PDE11A: variants seen among roughly 807,000 people sequenced by gnomAD.
The protein encoded by PDE11A is phosphodiesterase 11A.
In PDE11A, 100 loss-of-function variants were observed where a neutral mutation model predicts 100.5. The ratio of observed to expected loss-of-function variants is 1.00; its 90% CI spans 0.85 to 1.18. PDE11A has a LOEUF of 1.18. Ranked by LOEUF, PDE11A falls within the 50% of genes most tolerant of loss-of-function variation. The pLI, the probability that PDE11A is intolerant of heterozygous loss-of-function variation, is 0.00. For synonymous variants in PDE11A, 381 were observed against 420.8 expected (o/e 0.91, Z 1.16); for missense variants, 1,141 against 1,152.6 (o/e 0.99, Z 0.15).
At chr2:177,862,591 A>G (rs937778242) in intron 5 of PDE11A, among the ~76,000 whole-genome samples, 2 of 151,852 alleles carry the variant, frequency 1.3e-5, no homozygotes, top group Non-Finnish European at 3.0e-5. Flanking sequence ...CCCATTTACT[A>G]TAGCATAAAA....
intron 9 of PDE11A, among the ~76,000 whole-genome samples, chr2:177,770,458 G>T (rs2082296402): frequency 6.6e-6 from 1 of 152,220 alleles, no homozygotes; most frequent in Non-Finnish European, 1.5e-5. Context: ...CAATTCGCAG[G>T]CTCCCTGCAG....
intron 1 of PDE11A, among the ~76,000 whole-genome samples, chr2:178,029,211 A>G (rs1364282921): frequency 2.6e-5 from 4 of 152,236 alleles, no homozygotes. Flanking sequence ...TGAAAAGTTT[A>G]TGAAAATTCA....
intron 5 of PDE11A, among the ~76,000 whole-genome samples, chr2:177,851,861 G>A (rs1429151768): frequency 1.3e-5 from 2 of 152,070 alleles, no homozygotes; most frequent in African/African-American, 2.4e-5. Context: ...ATTAAGCCCA[G>A]TAACCATTAG....
intron 15 of PDE11A, among the ~76,000 whole-genome samples, chr2:177,695,272 A>C (rs1455546856): frequency 2.0e-5 from 3 of 152,136 alleles, no homozygotes; most frequent in African/African-American, 7.2e-5. Context: ...TGATCAAGTA[A>C]GGGTATTTAG....
intron 2 of PDE11A, among the ~76,000 whole-genome samples, chr2:177,932,215 T>C (rs2085217177): frequency 6.6e-6 from 1 of 152,104 alleles, no homozygotes; most frequent in Admixed American, 6.6e-5. Context: ...ATGAATTGAA[T>C]TCTACCAGAT....
At chr2:177,714,269 A>G (rs1190087032) in intron 12 of PDE11A, among the ~76,000 whole-genome samples, 2 of 152,156 alleles carry the variant, frequency 1.3e-5, no homozygotes, top group Non-Finnish European at 2.9e-5. Flanking sequence ...CTGGGATTAC[A>G]GGCGTGAGCC....
At chr2:177,967,779 G>C (rs1183703410) in intron 2 of PDE11A, among the ~76,000 whole-genome samples, 2 of 152,032 alleles carry the variant, frequency 1.3e-5, no homozygotes, top group Non-Finnish European at 2.9e-5. Flanking sequence ...ACTAGGTGCT[G>C]GGCATTGTGC....
chr2:178,073,665 G>GTTA (rs1011777080), upstream of PDE11A, among the ~76,000 whole-genome samples: 6 of 152,096 alleles, frequency 3.9e-5, no homozygotes, highest in African/African-American at 1.4e-4. Context: ...TATTACTTTT[G>GTTA]TTATTATTAT....
At chr2:178,077,857 G>A (rs1329083963) in intron 2 of PDE11A, among the ~76,000 whole-genome samples, 1 of 151,770 alleles carries the variant, frequency 6.6e-6, no homozygotes, top group Admixed American at 6.6e-5. Context: ...GGGTCTACAA[G>A]CCAAGGAATA....
intron 7 of PDE11A, among the ~76,000 whole-genome samples, chr2:177,819,321 A>G (rs1347057908): frequency 6.6e-6 from 1 of 152,114 alleles, no homozygotes; most frequent in Non-Finnish European, 1.5e-5. Flanking sequence ...TTTAATAAGC[A>G]GCAGTGTCTT....
chr2:177,844,467 G>A (rs1453762778), intron 5 of PDE11A, among the ~76,000 whole-genome samples: 1 of 151,606 alleles, frequency 6.6e-6, no homozygotes, highest in African/African-American at 2.4e-5. Context: ...CAAACATTCA[G>A]ACCAGAGTAA....
At chr2:177,820,037 C>G (rs1265965982) in intron 7 of PDE11A, among the ~76,000 whole-genome samples, 183 bp downstream of exon 7, 1 of 151,596 alleles carries the variant, frequency 6.6e-6, no homozygotes, top group East Asian at 1.9e-4. Flanking sequence ...CATATTTGTT[C>G]AAGTTGTGGA....
At chr2:177,899,074 C>A (rs1185004631) in intron 3 of PDE11A, among the ~76,000 whole-genome samples, 2 of 152,144 alleles carry the variant, frequency 1.3e-5, no homozygotes, top group Non-Finnish European at 2.9e-5. Context: ...GGCATTTCCA[C>A]TTTTCTGTAG....
intron 2 of PDE11A, among the ~76,000 whole-genome samples, chr2:178,099,446 GAAAAAA>G (rs201692711): frequency 9.0e-4 from 76 of 84,538 alleles, no homozygotes; most frequent in African/African-American, 2.4e-3. Context: ...CATCTCAAGA[GAAAAAA>G]AAAAAAAAAA....
intron 5 of PDE11A, among the ~76,000 whole-genome samples, chr2:177,856,359 A>C (rs746157121): frequency 1.3e-5 from 2 of 152,142 alleles, no homozygotes; most frequent in Non-Finnish European, 2.9e-5. Flanking sequence ...TATTTAAAAC[A>C]TTCAGTTTTC....
In PDE11A at chr2:177,699,607, G is replaced by T. The variant is rs566753259; in HGVS notation, c.2244+1514C>A. ...ACTGCATCTACTCTTTGTTTAGGGA[G>T]GTGGTGAGTGTGGTGTTAATGGAAA... On this transcript the variant is annotated intron_variant, in intron 14 of 19. Coordinates refer to ENST00000286063, the MANE Select transcript of PDE11A (RefSeq NM_016953.4). 2.6e-4 allele frequency among the ~76,000 whole-genome samples: 39 copies of T among 152,314 alleles called. No homozygotes were observed. The South Asian group carries it at 7.7e-3, about 30-fold the overall frequency.
chr2:177,966,546 G>T (rs190473998), intron 2 of PDE11A, among the ~76,000 whole-genome samples: 1 of 150,682 alleles, frequency 6.6e-6, no homozygotes, highest in East Asian at 1.9e-4. Context: ...TTTATAGAGG[G>T]TGTTTTTTTT....
intron 15 of PDE11A, among the ~76,000 whole-genome samples, chr2:177,690,545 A>G (rs1364859103): frequency 6.6e-6 from 1 of 152,232 alleles, no homozygotes; most frequent in Non-Finnish European, 1.5e-5. Flanking sequence ...TTTTAAAAGA[A>G]TTGGTCAAAC....
At chr2:177,926,384 C>G (rs2085124517) in intron 2 of PDE11A, among the ~76,000 whole-genome samples, 2 of 152,128 alleles carry the variant, frequency 1.3e-5, no homozygotes, top group Non-Finnish European at 2.9e-5. Context: ...TCTGTATACT[C>G]TTACTGTCTC....
Sources: allele counts gnomAD v4.1 joint callset (sites outside exome capture counted in the v4.1 genomes callset), GRCh38; gene constraint gnomAD v4.1.1; transcripts MANE v1.5; gene names NCBI Gene and HGNC (gene_info 2026-07-23, HGNC 2026-07-21).